The following GLIS3 variants were observed in gnomAD, a reference collection of about 807,000 sequenced individuals.
The protein encoded by GLIS3 is zinc finger protein GLIS3.
In GLIS3, 53 loss-of-function variants were observed where a neutral mutation model predicts 78.6. That is an observed-to-expected ratio of 0.67 (90% CI 0.54 to 0.85). GLIS3 has a LOEUF of 0.85. Ranked by LOEUF, GLIS3 falls within the 40% of genes least tolerant of loss-of-function variation. The pLI, the probability that GLIS3 is intolerant of heterozygous loss-of-function variation, is 0.00. For synonymous variants in GLIS3, 684 were observed against 509.9 expected, an observed-to-expected ratio of 1.34 and a Z score of -4.60; for missense variants, 1,703 against 1,231.1, an observed-to-expected ratio of 1.38 and a Z score of -5.74.
chr9:4,321,465 C>CAAAAAAAAAAAAA (rs1817527878), intron 2 of GLIS3, among the ~76,000 whole-genome samples: 1 of 53,514 alleles, frequency 1.9e-5, no homozygotes, highest in Non-Finnish European at 5.0e-5. Context: ...AAAAAAAAAT[C>CAAAAAAAAAAAAA]AGGTGCCTAG....
At chr9:4,123,706 G>A in intron 3 of GLIS3, 1 of 396,480 alleles carries the variant, frequency 2.5e-6, no homozygotes. Flanking sequence ...TAGTGGAAAG[G>A]AAAGCCTATG....
intron 4 of GLIS3, among the ~76,000 whole-genome samples, chr9:4,075,039 T>A (rs117825094): frequency 2.0e-5 from 3 of 150,398 alleles, no homozygotes; most frequent in African/African-American, 7.5e-5. Context: ...GTAGCTACCA[T>A]AGGAAGAAAA....
At chr9:4,238,568 A>T (rs1051444952) in intron 2 of GLIS3, among the ~76,000 whole-genome samples, 1 of 152,230 alleles carries the variant, frequency 6.6e-6, no homozygotes, top group Non-Finnish European at 1.5e-5. Context: ...CGTGTGAAGC[A>T]ACCAAAGAAA....
chr9:4,126,378 T>C (rs1832578455), intron 2 of GLIS3, among the ~76,000 whole-genome samples: 1 of 152,240 alleles, frequency 6.6e-6, no homozygotes, highest in South Asian at 2.1e-4. Context: ...TCCAAATCTG[T>C]ACTTCCAAAA....
chr9:4,472,308 A>C, the GLIS3 span, among the ~76,000 whole-genome samples: 25,952 of 152,188 alleles, frequency 0.17, 2,605 homozygotes, highest in African/African-American at 0.28. Context: ...ACATGCACAC[A>C]TATGTTTATT....
chr9:4,233,849 G>A (rs1200332932), intron 2 of GLIS3, among the ~76,000 whole-genome samples: 1 of 152,194 alleles, frequency 6.6e-6, no homozygotes, highest in Non-Finnish European at 1.5e-5. Flanking sequence ...CATCATCAGT[G>A]ATTTTAGTTA....
At chr9:4,199,086 A>T (rs945976301) in intron 2 of GLIS3, among the ~76,000 whole-genome samples, 1 of 152,342 alleles carries the variant, frequency 6.6e-6, no homozygotes, top group Admixed American at 6.5e-5. Context: ...AAAGGAAAGA[A>T]CTATACCTGT....
intron 4 of GLIS3, among the ~76,000 whole-genome samples, chr9:4,098,463 T>A (rs920901343): frequency 6.6e-6 from 1 of 152,126 alleles, no homozygotes; most frequent in Non-Finnish European, 1.5e-5. Flanking sequence ...AATGGCTTCA[T>A]CGACTAACCC....
At chr9:4,370,858 A>G in the GLIS3 span, among the ~76,000 whole-genome samples, 1 of 152,108 alleles carries the variant, frequency 6.6e-6, no homozygotes, top group South Asian at 2.1e-4. Flanking sequence ...AAATAAAGAC[A>G]TATGAATATA....
At chr9:4,060,554 G>T (rs1826561320) in intron 4 of GLIS3, among the ~76,000 whole-genome samples, 1 of 152,108 alleles carries the variant, frequency 6.6e-6, no homozygotes, top group Admixed American at 6.5e-5. Context: ...TGTATTAATG[G>T]GTGATTATGA....
At chr9:3,894,949 T>C (rs1303930103) in intron 7 of GLIS3, among the ~76,000 whole-genome samples, 1 of 152,228 alleles carries the variant, frequency 6.6e-6, no homozygotes, top group Non-Finnish European at 1.5e-5. Flanking sequence ...GATGTCTTCA[T>C]GGCTTAGGTC....
At chr9:4,013,316 ACT>A (rs746605504) in intron 4 of GLIS3, among the ~76,000 whole-genome samples, 2 of 151,826 alleles carry the variant, frequency 1.3e-5, no homozygotes, top group African/African-American at 4.8e-5. Context: ...TCCATAGCAA[ACT>A]CTCTGTCTTC....
At chr9:4,114,585 A>G (rs806057) in intron 4 of GLIS3, among the ~76,000 whole-genome samples, 116,669 of 152,074 alleles carry the variant, frequency 0.77, 44,859 homozygotes, top group East Asian at 0.85. Flanking sequence ...CAAAATAAAG[A>G]GATTCAGCAC....
chr9:4,468,706 T>C, the GLIS3 span, among the ~76,000 whole-genome samples: 2 of 152,164 alleles, frequency 1.3e-5, no homozygotes, highest in Non-Finnish European at 2.9e-5. Context: ...AGACCACTAA[T>C]GCTAGGAAGA....
chr9:3,868,214 C>G (rs571724346), intron 8 of GLIS3, among the ~76,000 whole-genome samples: 43 of 152,342 alleles, frequency 2.8e-4, no homozygotes, highest in African/African-American at 1.0e-3. Context: ...GCTCACTAGA[C>G]AAATTGCAAC....
intron 7 of GLIS3, among the ~76,000 whole-genome samples, chr9:3,895,650 A>G (rs1347561495): frequency 6.6e-6 from 1 of 152,216 alleles, no homozygotes; most frequent in African/African-American, 2.4e-5. Context: ...GAGGGAAGGC[A>G]ACACTTCAGG....
At chr9:3,964,696 G>A (rs924445892) in intron 4 of GLIS3, among the ~76,000 whole-genome samples, 1 of 152,152 alleles carries the variant, frequency 6.6e-6, no homozygotes, top group Non-Finnish European at 1.5e-5. Flanking sequence ...CACAGGGACA[G>A]AATTTTTTCA....
At chr9:3,862,374 T>C (rs1294842256) in intron 8 of GLIS3, among the ~76,000 whole-genome samples, 1 of 152,188 alleles carries the variant, frequency 6.6e-6, no homozygotes, top group Non-Finnish European at 1.5e-5. Context: ...TTGCTCAGTG[T>C]GCTTTGGTGA....
chr9:4,246,699 G>C (rs1410723600), intron 2 of GLIS3, among the ~76,000 whole-genome samples: 1 of 152,126 alleles, frequency 6.6e-6, no homozygotes, highest in East Asian at 1.9e-4. Flanking sequence ...GTAAGAGCTG[G>C]TCTCATCCTT....
Sources: allele counts gnomAD v4.1 joint callset (sites outside exome capture counted in the v4.1 genomes callset), GRCh38; gene constraint gnomAD v4.1.1; transcripts MANE v1.5; gene names NCBI Gene and HGNC (gene_info 2026-07-23, HGNC 2026-07-21).